ZNF385D: variants seen among roughly 807,000 people sequenced by gnomAD.
ZNF385D encodes the protein zinc finger protein 385D.
Under a neutral mutation model 35.8 loss-of-function variants are expected in ZNF385D, and 15 were observed. The observed-to-expected ratio is 0.42, with a 90% CI of 0.28 to 0.64. The LOEUF (loss-of-function observed/expected upper bound fraction) is 0.64. ZNF385D is among the 30% of genes least tolerant of loss of function. The pLI, the probability that ZNF385D is intolerant of heterozygous loss-of-function variation, is 0.23. For missense variants in ZNF385D, 474 were observed against 494.6 expected, an observed-to-expected ratio of 0.96 and a Z score of 0.39; for synonymous variants, 212 against 186.8, an observed-to-expected ratio of 1.13 and a Z score of -1.10.
rs1083728 is a variant in ZNF385D at position 22,137,321 on chromosome 3, C to T, written c.325+31496G>A. Among the ~76,000 whole-genome samples the T allele has an allele frequency of 3.7e-4, 56 of 152,170 alleles. No homozygotes were observed. The East Asian group carries it at 7.4e-3, about 20-fold the overall frequency. On this transcript the variant is annotated intron_variant, in intron 3 of 5. Transcript: ENST00000494108. ...AGGGAATCCTCCCTAACTCATTTTACGAGGCCAGCATCATCCTGATACCAA... is the reference window on the plus strand; with the variant it reads ...AGGGAATCCTCCCTAACTCATTTTATGAGGCCAGCATCATCCTGATACCAA...
intron 2 of ZNF385D, among the ~76,000 whole-genome samples, chr3:22,285,827 AG>A (rs1395996481): frequency 2.0e-5 from 3 of 152,138 alleles, no homozygotes; most frequent in African/African-American, 7.2e-5. Context: ...CTCAACTGAC[AG>A]TGTCCCTAAA....
In ZNF385D at chr3:22,109,637, T is replaced by C. The variant is rs1366618834; in HGVS notation, c.325+59180A>G. ...TATTGTGTGGGAGTCTAAGTCTCTT[T>C]CTAGGTCTCTAAGGACTTGCTTTAT... is the stretch of plus-strand genomic sequence containing the variant. On this transcript the variant is annotated intron_variant, in intron 3 of 5. Transcript: ENST00000494108. Among the ~76,000 whole-genome samples the C allele has an allele frequency of 2.6e-5, 4 of 152,250 alleles. No individual in the cohort carries two copies. In the East Asian group the frequency reaches 5.8e-4, roughly 22 times the overall value.
chr3:21,756,049 GA>G (rs1473955446), upstream of ZNF385D, among the ~76,000 whole-genome samples: 1 of 152,162 alleles, frequency 6.6e-6, no homozygotes, highest in Non-Finnish European at 1.5e-5. Flanking sequence ...TGACTTACAT[GA>G]TATAACTTTG....
intron 2 of ZNF385D, among the ~76,000 whole-genome samples, chr3:21,624,602 G>C (rs2065086689): frequency 6.6e-6 from 1 of 151,934 alleles, no homozygotes; most frequent in South Asian, 2.1e-4. Context: ...GAAACTGCTG[G>C]CTTCCCAACT....
intron 4 of ZNF385D, among the ~76,000 whole-genome samples, chr3:21,482,009 C>T (rs766664535): frequency 6.6e-5 from 10 of 152,042 alleles, no homozygotes; most frequent in South Asian, 2.1e-4. Flanking sequence ...TTTCATTCAC[C>T]GTCCTGGGTG....
At chr3:21,752,979 T>C (rs1298326983), upstream of ZNF385D, among the ~76,000 whole-genome samples, 1 of 152,124 alleles carries the variant, frequency 6.6e-6, no homozygotes, top group East Asian at 1.9e-4. Flanking sequence ...TTAATGTTAG[T>C]GCTTTGGGTC....
chr3:21,807,411 T>C (rs1402713260), intron 3 of ZNF385D, among the ~76,000 whole-genome samples: 1 of 152,166 alleles, frequency 6.6e-6, no homozygotes, highest in Admixed American at 6.5e-5. Flanking sequence ...GTGTAAACAA[T>C]TGCAATCATT....
intron 5 of ZNF385D, 92 bp from the exon 6 acceptor site, chr3:21,425,762 A>G (rs755288391): frequency 9.3e-6 from 11 of 1,187,986 alleles, no homozygotes; most frequent in Non-Finnish European, 1.3e-5. Flanking sequence ...AATCTTAGCT[A>G]GTATATACCT....
chr3:21,961,117 A>G (rs1251229277), intron 3 of ZNF385D, among the ~76,000 whole-genome samples: 1 of 152,104 alleles, frequency 6.6e-6, no homozygotes, highest in African/African-American at 2.4e-5. Flanking sequence ...ACACGTGTTA[A>G]TTATCCTGAT....
intron 3 of ZNF385D, among the ~76,000 whole-genome samples, chr3:21,526,785 AG>A (rs5847108): frequency 0.04 from 6,114 of 152,324 alleles, 172 homozygotes; most frequent in South Asian, 0.066. Flanking sequence ...AAGGAAATAA[AG>A]GATCTGAATG....
At chr3:22,084,883 C>T (rs1406688026) in intron 3 of ZNF385D, among the ~76,000 whole-genome samples, 1 of 152,172 alleles carries the variant, frequency 6.6e-6, no homozygotes, top group Admixed American at 6.5e-5. Flanking sequence ...GTCTCTCAGA[C>T]CACAGTGCAA....
chr3:21,849,389 T>C (rs1474185567), intron 3 of ZNF385D, among the ~76,000 whole-genome samples: 1 of 152,066 alleles, frequency 6.6e-6, no homozygotes, highest in Non-Finnish European at 1.5e-5. Context: ...CATAGCATGC[T>C]TTTCTGGTTC....
chr3:21,867,841 A>C (rs1359904103), intron 3 of ZNF385D, among the ~76,000 whole-genome samples: 2 of 152,060 alleles, frequency 1.3e-5, no homozygotes, highest in Non-Finnish European at 2.9e-5. Context: ...AATGTTCTCT[A>C]TCTAGTCACA....
At chr3:22,249,254 G>A (rs1043316194) in intron 2 of ZNF385D, among the ~76,000 whole-genome samples, 1 of 152,080 alleles carries the variant, frequency 6.6e-6, no homozygotes, top group African/African-American at 2.4e-5. Flanking sequence ...TTTTTACATT[G>A]CAATACACAA....
intron 3 of ZNF385D, among the ~76,000 whole-genome samples, chr3:22,096,171 G>T (rs1160872311): frequency 2.0e-5 from 3 of 151,444 alleles, no homozygotes; most frequent in African/African-American, 7.3e-5. Flanking sequence ...GGAAGGGAGG[G>T]CAGGGAGAGA....
At chr3:22,249,994 T>C (rs1175370035) in intron 2 of ZNF385D, among the ~76,000 whole-genome samples, 2 of 152,172 alleles carry the variant, frequency 1.3e-5, no homozygotes, top group African/African-American at 4.8e-5. Flanking sequence ...AACTATACAA[T>C]GTGGAAATTT....
chr3:21,594,499 CTG>C (rs2064073576), intron 2 of ZNF385D, among the ~76,000 whole-genome samples: 1 of 152,072 alleles, frequency 6.6e-6, no homozygotes, highest in Non-Finnish European at 1.5e-5. Context: ...TGGCTTCAGC[CTG>C]ATCCCACAAG....
chr3:22,346,742 C>CA lies in ZNF385D; in HGVS notation c.106+25707dup, dbSNP rs562765894. Among the ~76,000 whole-genome samples the CA allele has an allele frequency of 1.1e-3, 172 of 152,196 alleles. 1 individual carries two copies. Among genetic ancestry groups the CA allele is most frequent in the African/African-American group, 3.9e-3 (161 of 41,540 alleles). On this transcript the variant is annotated intron_variant, in intron 2 of 5. Transcript: ENST00000494108. ...AAAATTCAGTTCCCTTCTCTCACCTCAAAAAAACCCCAGTGCATTTTATAC... is the reference window on the plus strand; with the variant it reads ...AAAATTCAGTTCCCTTCTCTCACCTCAAAAAAAACCCCAGTGCATTTTATAC...
chr3:22,119,074 C>A (rs1702952026), intron 3 of ZNF385D, among the ~76,000 whole-genome samples: 1 of 151,968 alleles, frequency 6.6e-6, no homozygotes, highest in South Asian at 2.1e-4. Flanking sequence ...GGAATCAAGT[C>A]CAGATTAACT....
Sources: allele counts gnomAD v4.1 joint callset (sites outside exome capture counted in the v4.1 genomes callset), GRCh38; gene constraint gnomAD v4.1.1; transcripts MANE v1.5; gene names NCBI Gene and HGNC (gene_info 2026-07-23, HGNC 2026-07-21).